The following NAP1L1 variants were observed in gnomAD, a reference collection of about 807,000 sequenced individuals.
The protein encoded by NAP1L1 is nucleosome assembly protein 1-like 1.
Under a neutral mutation model 58.9 loss-of-function variants are expected in NAP1L1, and 9 were observed. The observed-to-expected ratio is 0.15, with a 90% CI of 0.09 to 0.27. The LOEUF (loss-of-function observed/expected upper bound fraction) is 0.27, where lower values mean the gene tolerates loss of function less well. Among genes scored for constraint, NAP1L1 ranks in the 10% least tolerant of loss-of-function variants. The pLI is 1.00. For missense variants in NAP1L1, 302 were observed against 458.8 expected, an observed-to-expected ratio of 0.66 and a Z score of 3.12; for synonymous variants, 130 against 138.3, an observed-to-expected ratio of 0.94 and a Z score of 0.42.
At chr12:76,078,299 G>A (rs1950274997) in intron 1 of NAP1L1, among the ~76,000 whole-genome samples, 3 of 151,904 alleles carry the variant, frequency 2.0e-5, no homozygotes, top group Non-Finnish European at 4.4e-5. Flanking sequence ...TCATTCTCCT[G>A]GACAAACAGC....
intron 1 of NAP1L1, among the ~76,000 whole-genome samples, chr12:76,076,793 C>G (rs577284528): frequency 6.6e-6 from 1 of 151,904 alleles, no homozygotes; most frequent in Non-Finnish European, 1.5e-5. Context: ...GTTCAAACAT[C>G]AGAGTATACT....
intron 1 of NAP1L1, among the ~76,000 whole-genome samples, chr12:76,076,133 C>G (rs1351926070): frequency 6.6e-6 from 1 of 152,202 alleles, no homozygotes; most frequent in Non-Finnish European, 1.5e-5. Context: ...TTCCACAGCT[C>G]TGAACAAGTC....
At chr12:76,076,555 T>TATATATATATATATATATAA (rs1950184005) in intron 1 of NAP1L1, among the ~76,000 whole-genome samples, 1 of 7,276 alleles carries the variant, frequency 1.4e-4, no homozygotes, top group African/African-American at 3.7e-4. Flanking sequence ...TGGAAATATA[T>TATATATATATATATATATAA]ATATATATAT....
chr12:76,060,286 G>C lies in NAP1L1; in HGVS notation c.207-7C>G, dbSNP rs1051139923. On this transcript the variant is annotated splice_region_variant and splice_polypyrimidine_tract_variant and intron_variant, in intron 4 of 14. Coordinates refer to ENST00000618691, the MANE Select transcript of NAP1L1 (RefSeq NM_004537.7). ...TTTAACTACCCTAGGCAGGCTGAAA[G>C]GTTAGAAATCAGTTATATAGCATCA... is the stretch of plus-strand genomic sequence containing the variant. 2.5e-6 allele frequency: 4 copies of C among 1,612,938 alleles called. No homozygotes were observed. Among genetic ancestry groups the C allele is most frequent in the Non-Finnish European group, 3.4e-6 (4 of 1,179,570 alleles).
intron 11 of NAP1L1, among the ~76,000 whole-genome samples, chr12:76,052,396 T>C (rs1415684508): frequency 6.6e-6 from 1 of 152,230 alleles, no homozygotes; most frequent in African/African-American, 2.4e-5. Flanking sequence ...TTCTCTTTTT[T>C]TGTCCTATAA....
intron 11 of NAP1L1, 118 bp downstream of exon 11, chr12:76,052,973 A>C: frequency 1.2e-6 from 1 of 862,388 alleles, no homozygotes; most frequent in African/African-American, 1.7e-5. Flanking sequence ...AGTCTGCCCC[A>C]TGCATTGTAG....
In NAP1L1 at chr12:76,050,429, T is replaced by C. The variant is rs1948764221; in HGVS notation, c.1059+102A>G. 3.6e-6 allele frequency: 5 copies of C among 1,382,558 alleles called. No homozygotes were observed. The African/African-American group carries it at 5.9e-5, about 16-fold the overall frequency. The allele number at this position is 1,382,558 out of a possible 1,614,324, so 85.6% of individuals were successfully genotyped here. A position where few individuals can be genotyped will look rare whatever the true frequency, so the allele number is the denominator to read the frequency against. On this transcript the variant is annotated intron_variant, in intron 12 of 14. Transcript: ENST00000618691. ...CATCAGTAATTAGCCTAATTTTGAA[T>C]TATATTATGTCCTGCTTCTTAAAAA...
intron 3 of NAP1L1, 168 bp downstream of exon 3, chr12:76,068,741 C>T (rs1949803503): frequency 1.9e-5 from 8 of 421,238 alleles, no homozygotes; most frequent in Non-Finnish European, 2.6e-5. Flanking sequence ...CCCTTACACA[C>T]ACACACACAC....
chr12:76,065,341 AAAG>A (rs779562565), intron 4 of NAP1L1, among the ~76,000 whole-genome samples: 4 of 152,106 alleles, frequency 2.6e-5, no homozygotes, highest in Non-Finnish European at 5.9e-5. Context: ...GAAATAAGAC[AAAG>A]AATACTAATG....
Position 76,046,445 on chromosome 12 carries a change from A to G in NAP1L1, c.*1984T>C, listed in dbSNP as rs1948609179. The G allele has an allele frequency of 6.6e-6, 1 of 152,364 alleles. No homozygotes were observed. Among genetic ancestry groups the G allele is most frequent in the African/African-American group, 2.4e-5 (1 of 41,428 alleles). The allele number at this position is 152,364 out of a possible 1,614,324, so 9.4% of individuals were successfully genotyped here. A position where few individuals can be genotyped will look rare whatever the true frequency, so the allele number is the denominator to read the frequency against. On this transcript the variant is annotated 3_prime_UTR_variant, in exon 15 of 15. Transcript: ENST00000618691. Reference sequence around the variant, plus strand: ...TTCAGTTCATTAAAAATGGGATTCTATCTTTGAAGTTCAGAAAAAGCTGCA... The same window carrying G: ...TTCAGTTCATTAAAAATGGGATTCTGTCTTTGAAGTTCAGAAAAAGCTGCA...
At chr12:76,081,153 T>C (rs752790849) in intron 1 of NAP1L1, among the ~76,000 whole-genome samples, 1 of 152,206 alleles carries the variant, frequency 6.6e-6, no homozygotes, top group African/African-American at 2.4e-5. Context: ...TGCTGATTTA[T>C]AGCAGAACAG....
In NAP1L1 at chr12:76,068,735, T is replaced by TACACACACACACACACACAC. The variant is rs35120003; in HGVS notation, c.103+154_103+173dup. The TACACACACACACACACACAC allele has an allele frequency of 1.7e-3, 488 of 294,938 alleles. 9 individuals carry two copies. The highest frequency in any genetic ancestry group is 3.3e-3 in the African/African-American group (116 of 35,144). 18.3% of individuals were successfully genotyped at this position (294,938 alleles called of 1,614,324 possible). A position where few individuals can be genotyped will look rare whatever the true frequency, so the allele number is the denominator to read the frequency against. ...GCTGTATCTATACCTACCCGCCCCT[T>TACACACACACACACACACAC]ACACACACACACACACACACACACA... On this transcript the variant is annotated intron_variant, in intron 3 of 14. Transcript: ENST00000618691.
rs549096191 is a variant in NAP1L1 at position 76,036,967 on chromosome 12, C to G, written c.*11462G>C. 1 of 151,652 alleles carries G rather than the reference C, an allele frequency of 6.6e-6. No homozygotes were observed. Among genetic ancestry groups the G allele is most frequent in the Non-Finnish European group, 1.5e-5 (1 of 67,986 alleles). 9.4% of individuals were successfully genotyped at this position (151,652 alleles called of 1,614,324 possible). ...CCTGTAATCCCAGCTACTCGGGAGG[C>G]TGAGGCAGGAGAATTGCTTGAGCCA... On this transcript the variant is annotated 3_prime_UTR_variant, in exon 15 of 15. Transcript: ENST00000618691.
chr12:76,059,753 G>T, intron 6 of NAP1L1, 45 bp downstream of exon 6: 2 of 1,332,418 alleles, frequency 1.5e-6, no homozygotes, highest in Non-Finnish European at 2.1e-6. Flanking sequence ...CAAGTCCTAA[G>T]ATTTTATCAT....
chr12:76,069,031 A>C (rs1949825206), intron 2 of NAP1L1, 37 bp from the exon 3 acceptor site: 1 of 1,405,320 alleles, frequency 7.1e-7, no homozygotes, highest in Non-Finnish European at 9.8e-7. Flanking sequence ...GTTCAAATGT[A>C]CCAATTACCA....
intron 1 of NAP1L1, among the ~76,000 whole-genome samples, chr12:76,076,736 G>T (rs1950197261): frequency 6.6e-6 from 1 of 151,992 alleles, no homozygotes; most frequent in African/African-American, 2.4e-5. Context: ...ACAGTCATGT[G>T]TGGATTATAT....
intron 2 of NAP1L1, among the ~76,000 whole-genome samples, chr12:76,070,590 GCCCA>G (rs1276252660): frequency 3.3e-5 from 5 of 152,176 alleles, no homozygotes; most frequent in Non-Finnish European, 7.4e-5. Flanking sequence ...GCCAAATCCA[GCCCA>G]CCCTATTATT....
rs1949068215 is a variant in NAP1L1, at chr12:76,056,013, A to G, written c.558+20T>C. The G allele has an allele frequency of 6.2e-7, 1 of 1,609,654 alleles. No homozygotes were observed. The highest frequency in any genetic ancestry group is 1.3e-5 in the African/African-American group (1 of 74,706). ...GGTTTACCCTTCAAAGTAAACTGGT[A>G]CATTTATGAATAAAATTACCTGAAC... is the stretch of plus-strand genomic sequence containing the variant. On this transcript the variant is annotated intron_variant, in intron 7 of 14. Transcript: ENST00000618691.
intron 7 of NAP1L1, 75 bp from the exon 8 acceptor site, chr12:76,055,165 G>T: frequency 2.1e-6 from 2 of 959,088 alleles, no homozygotes; most frequent in Non-Finnish European, 3.1e-6. Context: ...ACAAACACCA[G>T]CTGACTGAGA....
Sources: allele counts gnomAD v4.1 joint callset (sites outside exome capture counted in the v4.1 genomes callset), GRCh38; gene constraint gnomAD v4.1.1; transcripts MANE v1.5; gene names NCBI Gene and HGNC (gene_info 2026-07-23, HGNC 2026-07-21).